Variants in RAPGEF5 observed in about 807,000 individuals in gnomAD.
RAPGEF5 encodes the protein M-Ras-regulated GEF.
A neutral mutation model predicts 125.2 loss-of-function variants in RAPGEF5; 65 were observed. The observed-to-expected ratio is 0.52, with a 90% confidence interval of 0.43 to 0.64. RAPGEF5 has a LOEUF of 0.64. Ranked by LOEUF, RAPGEF5 falls within the 30% of genes least tolerant of loss-of-function variation. The pLI is 0.00. For synonymous variants in RAPGEF5, 391 were observed against 385.9 expected (o/e 1.01, Z -0.16); for missense variants, 958 against 1,048.1 (o/e 0.91, Z 1.19).
rs536230139 is a variant in RAPGEF5, at chr7:22,180,416, G to A, written c.1204+12951C>T. On this transcript the variant is annotated intron_variant, in intron 11 of 25. Transcript: ENST00000665637. ...GGTAAAAGCAGAAGCCGTGTGTGAC[G>A]GGCAAGTGTGCTCTTCATGACTTTC... 1.5e-4 allele frequency among the ~76,000 whole-genome samples: 23 copies of A among 152,194 alleles called. No homozygotes were observed. The South Asian group carries it at 3.5e-3, about 23-fold the overall frequency.
intron 7 of RAPGEF5, among the ~76,000 whole-genome samples, chr7:22,238,421 A>T (rs11766861): frequency 0.08 from 12,204 of 152,240 alleles, 591 homozygotes; most frequent in Middle Eastern, 0.1. Flanking sequence ...AGAGAGGTAA[A>T]GCACATACAT....
In RAPGEF5 at chr7:22,332,401, G is replaced by A. The variant is rs74442682; in HGVS notation, c.232-14364C>T. 2.5e-3 allele frequency among the ~76,000 whole-genome samples: 387 copies of A among 152,256 alleles called. 2 individuals carry two copies. Among genetic ancestry groups the A allele is most frequent in the African/African-American group, 8.6e-3 (358 of 41,540 alleles). Reference sequence around the variant, plus strand: ...TTAATTAGCACAATTGTTTCCCAATGTTTTATTTTTACATATGTACTTAAA... The same window carrying A: ...TTAATTAGCACAATTGTTTCCCAATATTTTATTTTTACATATGTACTTAAA... On this transcript the variant is annotated intron_variant, in intron 1 of 25. Transcript: ENST00000665637.
intron 1 of RAPGEF5, among the ~76,000 whole-genome samples, chr7:22,344,758 T>A (rs1423090959): frequency 1.3e-5 from 2 of 152,190 alleles, no homozygotes; most frequent in African/African-American, 4.8e-5. Flanking sequence ...TCCTCCCCAC[T>A]TTTTTCTTTT....
At chr7:22,342,933 T>C (rs1217162634) in intron 1 of RAPGEF5, among the ~76,000 whole-genome samples, 1 of 152,260 alleles carries the variant, frequency 6.6e-6, no homozygotes, top group Non-Finnish European at 1.5e-5. Flanking sequence ...CCTCTGCCTG[T>C]TACCCAGTTC....
intron 7 of RAPGEF5, among the ~76,000 whole-genome samples, chr7:22,244,709 C>T (rs1451641553): frequency 6.6e-6 from 1 of 152,076 alleles, no homozygotes; most frequent in African/African-American, 2.4e-5. Context: ...CATCCCCCTA[C>T]CCCAGTCCGT....
intron 8 of RAPGEF5, among the ~76,000 whole-genome samples, chr7:22,225,875 T>C (rs1176045001): frequency 6.6e-6 from 1 of 152,232 alleles, no homozygotes; most frequent in Non-Finnish European, 1.5e-5. Context: ...AAGTTATTCA[T>C]AGGATTTTCA....
chr7:22,356,014 T>C (rs1784413738), intron 1 of RAPGEF5: 5 of 985,330 alleles, frequency 5.1e-6, no homozygotes, highest in African/African-American at 1.7e-5. Context: ...CAGGGAAATC[T>C]GAGTAAGTCA....
chr7:22,340,220 A>C (rs1784099812), intron 1 of RAPGEF5, among the ~76,000 whole-genome samples: 1 of 152,202 alleles, frequency 6.6e-6, no homozygotes, highest in African/African-American at 2.4e-5. Context: ...ACAGCAAACA[A>C]GCGCCTGAGC....
chr7:22,195,023 AT>A (rs1337799208), intron 9 of RAPGEF5, among the ~76,000 whole-genome samples: 1 of 152,232 alleles, frequency 6.6e-6, no homozygotes, highest in African/African-American at 2.4e-5. Flanking sequence ...GGAGCAAAAG[AT>A]TAAAGGAAGA....
In RAPGEF5 at chr7:22,231,268, TA is replaced by T. The variant is rs571282900; in HGVS notation, c.797-350del. On this transcript the variant is annotated intron_variant, in intron 7 of 25. Transcript: ENST00000665637. Reference sequence around the variant, plus strand: ...TTCATTTCATATAAGAACAGCCATATATTTTTTTTAATGTGGCTTTCTGGCT... The same window carrying T: ...TTCATTTCATATAAGAACAGCCATATTTTTTTTTAATGTGGCTTTCTGGCT... Among the ~76,000 whole-genome samples, 552 of 152,274 alleles carry T rather than the reference TA, an allele frequency of 3.6e-3. 5 individuals are homozygous for T. Among genetic ancestry groups the T allele is most frequent in the African/African-American group, 0.013 (537 of 41,530 alleles).
At chr7:22,281,813 C>T (rs1345017310) in intron 6 of RAPGEF5, among the ~76,000 whole-genome samples, 2 of 152,214 alleles carry the variant, frequency 1.3e-5, no homozygotes, top group Non-Finnish European at 2.9e-5. Context: ...TCTTATAGCA[C>T]ATTCCAATCC....
Position 22,318,038 on chromosome 7 carries a change from C to A in RAPGEF5, c.232-1G>T. 6.6e-7 allele frequency: 1 copy of A among 1,513,088 alleles called. No homozygotes were observed. Among genetic ancestry groups the A allele is most frequent in the East Asian group, 2.5e-5 (1 of 39,556 alleles). 93.7% of individuals were successfully genotyped at this position (1,513,088 alleles called of 1,614,324 possible). ...GATTAGATATTCTTCTTGATAGAGT[C>A]TATTTTAAACAAAGAAAAAAAAAAT... On this transcript the variant is annotated splice_acceptor_variant, in intron 1 of 25. Coordinates refer to ENST00000665637, the MANE Select transcript of RAPGEF5 (RefSeq NM_012294.5). LOFTEE classifies it high-confidence loss of function.
intron 6 of RAPGEF5, among the ~76,000 whole-genome samples, chr7:22,281,785 A>G (rs1782678805): frequency 6.6e-6 from 1 of 152,236 alleles, no homozygotes; most frequent in Admixed American, 6.5e-5. Flanking sequence ...TCTGACAAAG[A>G]TGTTACTACA....
intron 1 of RAPGEF5, among the ~76,000 whole-genome samples, chr7:22,345,159 C>T (rs1583594125): frequency 6.6e-6 from 1 of 152,228 alleles, no homozygotes; most frequent in East Asian, 1.9e-4. Context: ...TAGCCCCACC[C>T]TTCACCGCAG....
chr7:22,130,076 G>A (rs940375615), intron 24 of RAPGEF5, among the ~76,000 whole-genome samples: 2 of 152,080 alleles, frequency 1.3e-5, no homozygotes, highest in Non-Finnish European at 2.9e-5. Context: ...AGGGAACCAG[G>A]GTCAGTTTCT....
intron 9 of RAPGEF5, among the ~76,000 whole-genome samples, chr7:22,201,148 C>A (rs1785268195): frequency 1.3e-5 from 2 of 152,174 alleles, no homozygotes; most frequent in South Asian, 4.1e-4. Context: ...AGTATTGGAT[C>A]CCTTTGGGAG....
chr7:22,301,255 GTTA>G (rs1371702148), intron 5 of RAPGEF5, among the ~76,000 whole-genome samples: 1 of 152,094 alleles, frequency 6.6e-6, no homozygotes, highest in Non-Finnish European at 1.5e-5. Context: ...AGTGGAATTC[GTTA>G]TTATCTTGCC....
At chr7:22,247,263 A>T (rs981666871) in intron 7 of RAPGEF5, among the ~76,000 whole-genome samples, 26 of 152,234 alleles carry the variant, frequency 1.7e-4, no homozygotes, top group African/African-American at 6.3e-4. Flanking sequence ...GTTCTGCCAA[A>T]AAGACACATG....
chr7:22,279,386 T>C (rs372652454), intron 6 of RAPGEF5, among the ~76,000 whole-genome samples: 1 of 152,220 alleles, frequency 6.6e-6, no homozygotes, highest in Non-Finnish European at 1.5e-5. Flanking sequence ...ATGATTGGCA[T>C]AGGATCTATT....
Sources: gnomAD v4.1 joint callset for allele counts (sites outside exome capture counted in the v4.1 genomes callset) on GRCh38, gnomAD v4.1.1 for gene constraint, MANE v1.5 for transcripts, NCBI Gene and HGNC (gene_info 2026-07-23, HGNC 2026-07-21) for gene names.